NPSR1: variants seen among roughly 807,000 people sequenced by gnomAD.
NPSR1 encodes the protein neuropeptide S receptor 1.
In NPSR1, 48 loss-of-function variants were observed where a neutral mutation model predicts 46.9. The ratio of observed to expected loss-of-function variants is 1.02; its 90% CI spans 0.81 to 1.30. The LOEUF is 1.30. NPSR1 is among the 50% of genes most tolerant of loss of function. The probability of loss-of-function intolerance (pLI) is 0.00; values close to 1 mark genes in which losing one functional copy is unlikely to be tolerated. For synonymous variants in NPSR1, 176 were observed against 168.1 expected (o/e 1.05, Z -0.36); for missense variants, 450 against 449.5 (o/e 1.00, Z -0.01).
chr7:34,761,365 T>C (rs1786165259), intron 2 of NPSR1, among the ~76,000 whole-genome samples: 1 of 152,166 alleles, frequency 6.6e-6, no homozygotes, highest in African/African-American at 2.4e-5. Flanking sequence ...AAGAATAGCA[T>C]GATCCCAGCT....
chr7:34,745,676 G>C (rs148672110), intron 2 of NPSR1, among the ~76,000 whole-genome samples: 1 of 152,062 alleles, frequency 6.6e-6, no homozygotes, highest in East Asian at 1.9e-4. Context: ...GCACCACCAA[G>C]CCCAGCTAAT....
chr7:34,712,159 A>ATTTGT (rs1187612259), intron 2 of NPSR1, among the ~76,000 whole-genome samples: 1 of 151,994 alleles, frequency 6.6e-6, no homozygotes, highest in Non-Finnish European at 1.5e-5. Context: ...CAGGGACTGG[A>ATTTGT]TTTGTTTTGT....
intron 3 of NPSR1, among the ~76,000 whole-genome samples, chr7:34,791,250 G>T (rs191953393): frequency 8.6e-4 from 88 of 102,182 alleles, no homozygotes; most frequent in Non-Finnish European, 1.2e-3. Context: ...TATGTTATAT[G>T]TTATATATTA....
intron 2 of NPSR1, among the ~76,000 whole-genome samples, chr7:34,718,121 T>C (rs1231093567): frequency 6.6e-6 from 1 of 152,214 alleles, no homozygotes. Context: ...TCTACAGATA[T>C]TTATCATTTT....
At chr7:34,736,763 G>A (rs1167172515) in intron 2 of NPSR1, among the ~76,000 whole-genome samples, 1 of 151,904 alleles carries the variant, frequency 6.6e-6, no homozygotes, top group African/African-American at 2.4e-5. Context: ...ACCACAATCA[G>A]CTCATTTTTG....
At chr7:34,747,679 A>G (rs1468358056) in intron 2 of NPSR1, among the ~76,000 whole-genome samples, 1 of 152,174 alleles carries the variant, frequency 6.6e-6, no homozygotes, top group Admixed American at 6.5e-5. Context: ...TGGATACCGC[A>G]TGAGTTTTCT....
chr7:34,720,031 C>T (rs985894607), intron 2 of NPSR1, among the ~76,000 whole-genome samples: 27 of 151,542 alleles, frequency 1.8e-4, no homozygotes, highest in African/African-American at 4.8e-4. Context: ...CCTGTAATCC[C>T]AGCACTTTGG....
intron 3 of NPSR1, among the ~76,000 whole-genome samples, chr7:34,778,792 A>G (rs324983): frequency 0.47 from 71,793 of 152,050 alleles, 17,333 homozygotes; most frequent in East Asian, 0.54. Context: ...TGCTAAGGAC[A>G]TAAAGCATTC....
chr7:34,759,735 T>C (rs1786065681), intron 2 of NPSR1, among the ~76,000 whole-genome samples: 1 of 152,138 alleles, frequency 6.6e-6, no homozygotes, highest in Admixed American at 6.5e-5. Flanking sequence ...CTTCCACACC[T>C]CAATAGTTCT....
At chr7:34,837,047 TAGAGAG>T (rs1170377399) in intron 6 of NPSR1, among the ~76,000 whole-genome samples, 5 of 151,868 alleles carry the variant, frequency 3.3e-5, no homozygotes, top group African/African-American at 9.7e-5. Flanking sequence ...AGATGATAGC[TAGAGAG>T]AGAGGGAGAT....
At position 34,827,429 on chromosome 7, in the gene NPSR1, C is replaced by T. The variant is rs760343674; in HGVS notation, c.507C>T (p.Ile169=). The T allele has an allele frequency of 1.1e-5, 18 of 1,614,066 alleles. No homozygotes were observed. The highest frequency in any genetic ancestry group is 6.7e-5 in the East Asian group (3 of 44,864). ...GEKQARVLIV[I]AWSLSFLFSI... is the part of the protein sequence containing the mutation. ...AGCAAGCCAGGGTCCTCATTGTGATCGCCTGGAGCCTGTCTTTTCTGTTCT... is the reference window on the plus strand; with the variant it reads ...AGCAAGCCAGGGTCCTCATTGTGATTGCCTGGAGCCTGTCTTTTCTGTTCT... Residue 169 remains isoleucine, a synonymous_variant, in exon 5 of 9, where the codon ATC becomes ATT. Transcript: ENST00000360581.
intron 6 of NPSR1, among the ~76,000 whole-genome samples, chr7:34,839,242 T>C (rs1219085150): frequency 2.0e-5 from 3 of 152,234 alleles, no homozygotes; most frequent in African/African-American, 7.2e-5. Context: ...TTCAATATCA[T>C]AAAGACGTTG....
At chr7:34,744,614 G>A (rs1032332967) in intron 2 of NPSR1, among the ~76,000 whole-genome samples, 1 of 152,150 alleles carries the variant, frequency 6.6e-6, no homozygotes, top group Non-Finnish European at 1.5e-5. Flanking sequence ...CCTTCTTCCT[G>A]TTTGAAACAC....
intron 4 of NPSR1, among the ~76,000 whole-genome samples, chr7:34,822,143 T>G (rs1234372157): frequency 6.6e-6 from 1 of 152,240 alleles, no homozygotes; most frequent in Admixed American, 6.5e-5. Context: ...CACAAGTTTA[T>G]AGGGTGAGGG....
intron 4 of NPSR1, among the ~76,000 whole-genome samples, chr7:34,819,290 A>G (rs1303380407): frequency 8.5e-5 from 13 of 152,388 alleles, no homozygotes; most frequent in East Asian, 5.8e-4. Flanking sequence ...GAAGACATCT[A>G]TGCAGCCAAC....
chr7:34,723,054 C>T (rs1449541762), intron 2 of NPSR1, among the ~76,000 whole-genome samples: 1 of 152,168 alleles, frequency 6.6e-6, no homozygotes, highest in African/African-American at 2.4e-5. Flanking sequence ...GAAGAAAGCA[C>T]TGCTCCCTCT....
chr7:34,813,049 A>T (rs1230671009), intron 4 of NPSR1, among the ~76,000 whole-genome samples: 1 of 152,170 alleles, frequency 6.6e-6, no homozygotes, highest in African/African-American at 2.4e-5. Flanking sequence ...GAAATATAAA[A>T]TGTGCAGCCC....
chr7:34,700,958 A>G (rs1262144873), intron 2 of NPSR1, among the ~76,000 whole-genome samples: 2 of 152,226 alleles, frequency 1.3e-5, no homozygotes, highest in Admixed American at 6.5e-5. Context: ...AACTCCTTCA[A>G]GTAACTTACT....
rs775283041 is a variant in NPSR1, at chr7:34,684,564, A to G, written c.160A>G (p.Ile54Val). Reference protein sequence around the residue: ...FYYSFKTEQLITLWVLFVFTI... With the variant: ...FYYSFKTEQLVTLWVLFVFTI... ...CTGTTTCTTGCAGACTGAGCAATTG[A>G]TAACTCTGTGGGTCCTCTTTGTTTT... is the stretch of plus-strand genomic sequence containing the variant. Residue 54 changes from isoleucine (I) to valine (V), a missense_variant, in exon 2 of 9, where the codon ATA (isoleucine) becomes GTA (valine). Ile to Val is a conservative substitution (Grantham distance 29). Transcript: ENST00000360581. The G allele has an allele frequency of 1.2e-6, 2 of 1,613,658 alleles. No homozygotes were observed. Among genetic ancestry groups the G allele is most frequent in the South Asian group, 2.2e-5 (2 of 91,000 alleles).
Sources: allele counts gnomAD v4.1 joint callset (sites outside exome capture counted in the v4.1 genomes callset), GRCh38; gene constraint gnomAD v4.1.1; transcripts MANE v1.5; gene names NCBI Gene and HGNC (gene_info 2026-07-23, HGNC 2026-07-21).